The following RNF185 variants were observed in gnomAD, a reference collection of about 807,000 sequenced individuals.
The protein encoded by RNF185 is E3 ubiquitin-protein ligase RNF185.
A neutral mutation model predicts 24.9 loss-of-function variants in RNF185; 13 were observed. The observed-to-expected ratio is 0.52, with a 90% CI of 0.34 to 0.83. RNF185 has a LOEUF of 0.83. Ranked by LOEUF, RNF185 falls within the 40% of genes least tolerant of loss-of-function variation. The probability of loss-of-function intolerance (pLI) is 0.01; values close to 1 mark genes in which losing one functional copy is unlikely to be tolerated. For missense variants in RNF185, 184 were observed against 244.7 expected (o/e 0.75, Z 1.65); for synonymous variants, 79 against 90.3 (o/e 0.88, Z 0.71).
chr22:31,166,558 T>TTTCTTCTTCTTC (rs3068173), intron 1 of RNF185, among the ~76,000 whole-genome samples: 5 of 147,482 alleles, frequency 3.4e-5, no homozygotes, highest in Admixed American at 2.1e-4. Flanking sequence ...TCTATAAGCA[T>TTTCTTCTTCTTC]TTCTTCTTCT....
intron 1 of RNF185, among the ~76,000 whole-genome samples, chr22:31,175,014 G>A (rs147045919): frequency 0.013 from 1,945 of 151,320 alleles, 47 homozygotes; most frequent in African/African-American, 0.044. Flanking sequence ...CAGAGGTTGC[G>A]GTGAGCCGAG....
chr22:31,190,666 C>T (rs907921812), intron 2 of RNF185, among the ~76,000 whole-genome samples: 13 of 149,574 alleles, frequency 8.7e-5, no homozygotes, highest in African/African-American at 3.0e-4. Flanking sequence ...TTGAGTAGCA[C>T]GATCTCAGCT....
intron 5 of RNF185, chr22:31,197,196 A>AT (rs1349577535): frequency 7.1e-6 from 4 of 563,302 alleles, no homozygotes; most frequent in Admixed American, 7.1e-5. Context: ...TTTCTTTTCC[A>AT]TTTTTCTATA....
At chr22:31,170,545 C>T (rs925491125) in intron 1 of RNF185, among the ~76,000 whole-genome samples, 2 of 151,724 alleles carry the variant, frequency 1.3e-5, no homozygotes, top group Non-Finnish European at 2.9e-5. Flanking sequence ...GAGTCTCACT[C>T]TGTCACCCAG....
intron 1 of RNF185, among the ~76,000 whole-genome samples, chr22:31,184,528 G>A (rs1406412558): frequency 6.6e-6 from 1 of 152,220 alleles, no homozygotes; most frequent in Non-Finnish European, 1.5e-5. Context: ...GCCGGGCAGA[G>A]GCTGCAATCT....
At chr22:31,186,005 G>C (rs2048095076) in intron 1 of RNF185, among the ~76,000 whole-genome samples, 1 of 152,130 alleles carries the variant, frequency 6.6e-6, no homozygotes, top group Non-Finnish European at 1.5e-5. Flanking sequence ...CCAAAACATA[G>C]TATGAGTGTG....
At chr22:31,168,640 G>C (rs775081487) in intron 1 of RNF185, among the ~76,000 whole-genome samples, 1 of 152,164 alleles carries the variant, frequency 6.6e-6, no homozygotes, top group South Asian at 2.1e-4. Flanking sequence ...AGGAGCCTCT[G>C]TGCTGTTTTC....
chr22:31,162,032 C>G (rs548614051), intron 1 of RNF185, among the ~76,000 whole-genome samples: 1 of 152,034 alleles, frequency 6.6e-6, no homozygotes, highest in African/African-American at 2.4e-5. Context: ...CTCTAGCATA[C>G]CTTTGGTTTT....
intron 1 of RNF185, among the ~76,000 whole-genome samples, chr22:31,168,422 A>G (rs1349717176): frequency 6.6e-6 from 1 of 152,230 alleles, no homozygotes; most frequent in Non-Finnish European, 1.5e-5. Flanking sequence ...TTTTTAAGAT[A>G]AAATGATTTT....
chr22:31,204,833 G>A lies in RNF185; in HGVS notation c.*247G>A. On this transcript the variant is annotated 3_prime_UTR_variant, in exon 7 of 7. Transcript: ENST00000326132. ...TGGCATTGAGTCATCTCTCATGGGT[G>A]ACACCATGAAATCTTGTTTCAGCCA... 1 of 424,756 alleles carries A rather than the reference G, an allele frequency of 2.4e-6. No individual in the cohort carries two copies. The highest frequency in any genetic ancestry group is 3.9e-5 in the East Asian group (1 of 25,568). 26.3% of individuals were successfully genotyped at this position (424,756 alleles called of 1,614,324 possible).
At position 31,187,165 on chromosome 22, in the gene RNF185, G is replaced by A. The variant is rs771847473; in HGVS notation, c.71G>A (p.Ser24Asn). The A allele has an allele frequency of 2.4e-5, 39 of 1,613,828 alleles. No homozygotes were observed. Among genetic ancestry groups the A allele is most frequent in the Non-Finnish European group, 3.1e-5 (36 of 1,179,844 alleles). The change falls in exon 2 of 7, where the codon AGC becomes AAC. Residue 24 changes from serine (S) to asparagine (N), a missense_variant. By Grantham distance (46) the Ser-to-Asn change is conservative. Transcript: ENST00000326132. ...AGTGCAGGGGGGCCCAGTGGGAGCA[G>A]CAATGGCGCTGGCGAGAGCGGAGGG... The part of the protein sequence containing the change: ...NSSAGGPSGS[S>N]NGAGESGGQD...
chr22:31,194,609 T>C (rs1158977850), intron 3 of RNF185, among the ~76,000 whole-genome samples: 1 of 151,856 alleles, frequency 6.6e-6, no homozygotes, highest in Non-Finnish European at 1.5e-5. Flanking sequence ...GCGCCTGTAA[T>C]CCCAGCTACT....
At chr22:31,202,060 G>T (rs368671028) in intron 6 of RNF185, among the ~76,000 whole-genome samples, 2 of 152,102 alleles carry the variant, frequency 1.3e-5, no homozygotes, top group Admixed American at 6.6e-5. Flanking sequence ...AGGAGTGAAG[G>T]CATCTCCATT....
intron 1 of RNF185, among the ~76,000 whole-genome samples, chr22:31,175,982 C>G (rs1488704759): frequency 6.6e-6 from 1 of 151,960 alleles, no homozygotes. Flanking sequence ...AGGCTGGTCT[C>G]GAACTCCTGG....
At chr22:31,162,374 G>C (rs1923632565) in intron 1 of RNF185, among the ~76,000 whole-genome samples, 1 of 152,150 alleles carries the variant, frequency 6.6e-6, no homozygotes, top group Non-Finnish European at 1.5e-5. Flanking sequence ...TCCTTTTAAA[G>C]AAGTGTCTGA....
rs946520730 is a variant in RNF185 at position 31,180,463 on chromosome 22, C to CA, written c.-48-6575dup. 5.0e-5 allele frequency among the ~76,000 whole-genome samples: 7 copies of CA among 140,816 alleles called. No individual in the cohort carries two copies. The East Asian group carries it at 6.2e-4, about 12-fold the overall frequency. 92.4% of individuals were successfully genotyped at this position (140,816 alleles called of 152,430 possible). On this transcript the variant is annotated intron_variant, in intron 1 of 6. Coordinates refer to ENST00000326132, the MANE Select transcript of RNF185 (RefSeq NM_152267.4). ...TTGGGTGACAGACTGAGACTTGTCTCAAAAAAAAAGAAGAAAAAAAAGTAA... is the reference window on the plus strand; with the variant it reads ...TTGGGTGACAGACTGAGACTTGTCTCAAAAAAAAAAGAAGAAAAAAAAGTAA...
At chr22:31,166,412 C>T (rs1049432565) in intron 1 of RNF185, among the ~76,000 whole-genome samples, 6 of 152,140 alleles carry the variant, frequency 3.9e-5, no homozygotes, top group Non-Finnish European at 8.8e-5. Context: ...TTCTTGTTTC[C>T]TGCTACGGGG....
At chr22:31,166,102 G>A (rs949398729) in intron 1 of RNF185, among the ~76,000 whole-genome samples, 12 of 151,876 alleles carry the variant, frequency 7.9e-5, no homozygotes, top group Non-Finnish European at 1.6e-4. Context: ...AGCAATTCTC[G>A]TGCCTCAGTT....
chr22:31,200,566 A>T (rs1473458780), intron 5 of RNF185, among the ~76,000 whole-genome samples: 3 of 152,230 alleles, frequency 2.0e-5, no homozygotes, highest in African/African-American at 7.2e-5. Context: ...CTCACGCTTT[A>T]AAAAAGGGAG....
Sources: gnomAD v4.1 joint callset for allele counts (sites outside exome capture counted in the v4.1 genomes callset) on GRCh38, gnomAD v4.1.1 for gene constraint, MANE v1.5 for transcripts, NCBI Gene and HGNC (gene_info 2026-07-23, HGNC 2026-07-21) for gene names.